The following DHRS12 variants were observed in gnomAD, a reference collection of about 807,000 sequenced individuals.
The protein encoded by DHRS12 is dehydrogenase/reductase 12.
DHRS12 carries 29 observed loss-of-function variants against 32.1 expected under a neutral mutation model. The ratio of observed to expected loss-of-function variants is 0.90; its 90% CI spans 0.67 to 1.23. The LOEUF is 1.23. Ranked by LOEUF, DHRS12 falls within the 50% of genes most tolerant of loss-of-function variation. DHRS12 has a pLI of 0.00. For synonymous variants in DHRS12, 150 were observed against 135.9 expected, an observed-to-expected ratio of 1.10 and a Z score of -0.72; for missense variants, 330 against 337.2, an observed-to-expected ratio of 0.98 and a Z score of 0.17.
rs1954183274 is a variant in DHRS12, at chr13:51,774,054, G to C, written c.364-20C>G. ...GGTTATCTGCAATAAAGGTAACAGA[G>C]ATTTACAAACTAAAGCCTGTGACCC... On this transcript the variant is annotated intron_variant, in intron 5 of 8. Transcript: ENST00000444610. 3 of 1,609,322 alleles carry C rather than the reference G, an allele frequency of 1.9e-6. No homozygotes were observed. The highest frequency in any genetic ancestry group is 2.6e-6 in the Non-Finnish European group (3 of 1,175,938).
chr13:51,781,054 A>G (rs1954681021), intron 4 of DHRS12, among the ~76,000 whole-genome samples: 1 of 152,298 alleles, frequency 6.6e-6, no homozygotes, highest in South Asian at 2.1e-4. Context: ...TCTGGTGTTA[A>G]TTTTAAAGGA....
chr13:51,771,389 T>A, intron 7 of DHRS12: 1 of 1,614,116 alleles, frequency 6.2e-7, no homozygotes. Context: ...AGCTGTGTCC[T>A]TGTGGCTGGC....
intron 2 of DHRS12, chr13:51,797,940 T>C (rs1236356171): frequency 7.8e-6 from 12 of 1,531,342 alleles, no homozygotes; most frequent in Non-Finnish European, 1.0e-5. Context: ...ATCTGTGAGT[T>C]ACAGCGAGAG....
intron 6 of DHRS12, chr13:51,772,810 CTG>C (rs1471384602): frequency 1.2e-5 from 12 of 985,316 alleles, no homozygotes; most frequent in Non-Finnish European, 1.4e-5. Context: ...TCTGGGAAAA[CTG>C]TAAAGAAGTG....
chr13:51,802,922 C>T (rs1377784142), intron 1 of DHRS12, among the ~76,000 whole-genome samples: 1 of 152,186 alleles, frequency 6.6e-6, no homozygotes, highest in East Asian at 1.9e-4. Context: ...TTACAGTCTG[C>T]TTTCCTTGGG....
intron 2 of DHRS12, among the ~76,000 whole-genome samples, chr13:51,797,213 G>A (rs753549252): frequency 1.3e-5 from 2 of 152,192 alleles, no homozygotes; most frequent in African/African-American, 2.4e-5. Flanking sequence ...CACGCCCTGC[G>A]ACTGGAAAGG....
At chr13:51,800,003 G>C (rs1225357998) in intron 1 of DHRS12, among the ~76,000 whole-genome samples, 8 of 152,178 alleles carry the variant, frequency 5.3e-5, no homozygotes, top group Admixed American at 5.2e-4. Flanking sequence ...CCTTTTGTGG[G>C]GGGCAGGTTT....
intron 1 of DHRS12, chr13:51,803,396 A>G (rs1253031283): frequency 6.6e-6 from 1 of 152,202 alleles, no homozygotes; most frequent in Non-Finnish European, 1.5e-5. Context: ...CAGGGTTGAG[A>G]ACCAGCGGTT....
Position 51,804,039 on chromosome 13 carries a change from G to T in DHRS12, c.-9+15C>A, listed in dbSNP as rs1033165601. ...GTGACAGCCCGGGGCCCCGCGCCCC[G>T]CCGCGCCGCCTTACTTGGTGTACTC... On this transcript the variant is annotated intron_variant, in intron 1 of 8. Coordinates refer to ENST00000444610, the MANE Select transcript of DHRS12 (RefSeq NM_001377533.1). 6.1e-6 allele frequency: 9 copies of T among 1,468,116 alleles called. No homozygotes were observed. Among genetic ancestry groups the T allele is most frequent in the Middle Eastern group, 2.1e-4 (1 of 4,836 alleles). 90.9% of individuals were successfully genotyped at this position (1,468,116 alleles called of 1,614,324 possible). A position where few individuals can be genotyped will look rare whatever the true frequency, so the allele number is the denominator to read the frequency against.
the DHRS12 span, among the ~76,000 whole-genome samples, chr13:51,755,018 T>A: frequency 6.6e-6 from 1 of 152,222 alleles, no homozygotes; most frequent in African/African-American, 2.4e-5. Flanking sequence ...AGTTGTCTTA[T>A]TTGTCTGAGA....
intron 1 of DHRS12, among the ~76,000 whole-genome samples, chr13:51,800,382 G>C (rs1955696972): frequency 6.6e-6 from 1 of 152,200 alleles, no homozygotes; most frequent in African/African-American, 2.4e-5. Flanking sequence ...CATTCCTTTT[G>C]CGATACCTCT....
intron 2 of DHRS12, among the ~76,000 whole-genome samples, chr13:51,795,909 C>A (rs1248804726): frequency 6.6e-6 from 1 of 152,124 alleles, no homozygotes; most frequent in Admixed American, 6.6e-5. Flanking sequence ...CAGAGCATGG[C>A]GGCCAGGCCC....
intron 3 of DHRS12, 73 bp from the exon 4 acceptor site, chr13:51,790,165 C>T (rs1955200773): frequency 1.8e-6 from 2 of 1,135,656 alleles, no homozygotes; most frequent in African/African-American, 1.6e-5. Context: ...CCCACACCTC[C>T]ACTACCCCAC....
At chr13:51,763,597 A>C (rs1953656450), downstream of DHRS12, 1 of 152,294 alleles carries the variant, frequency 6.6e-6, no homozygotes, top group Non-Finnish European at 1.5e-5. Context: ...CAGGAGTTCA[A>C]GACCAGCCTG....
In DHRS12 at chr13:51,768,809, CAG is replaced by C. The variant is rs1566270574; in HGVS notation, c.697+345_697+346del. 4.1e-5 allele frequency: 51 copies of C among 1,253,054 alleles called. 1 individual carries two copies. Among genetic ancestry groups the C allele is most frequent in the Non-Finnish European group, 4.9e-5 (49 of 995,294 alleles). The allele number at this position is 1,253,054 out of a possible 1,614,324, so 77.6% of individuals were successfully genotyped here. A position where few individuals can be genotyped will look rare whatever the true frequency, so the allele number is the denominator to read the frequency against. ...TTACACCCTTTGCACTGCAGAGAAG[CAG>C]AGTCCGTTACTCCCTTTGCAGTGCA... On this transcript the variant is annotated intron_variant, in intron 8 of 8. Coordinates refer to ENST00000444610, the MANE Select transcript of DHRS12 (RefSeq NM_001377533.1).
intron 1 of DHRS12, among the ~76,000 whole-genome samples, chr13:51,801,930 G>A (rs1173162853): frequency 2.0e-5 from 3 of 152,188 alleles, no homozygotes; most frequent in Non-Finnish European, 4.4e-5. Flanking sequence ...GCTCCTCTGG[G>A]TTGAACCTCT....
downstream of DHRS12, chr13:51,765,606 C>T (rs988063837): frequency 1.3e-5 from 2 of 152,224 alleles, no homozygotes; most frequent in African/African-American, 4.8e-5. Flanking sequence ...TAGCCCATCA[C>T]CAGTGACCTG....
the DHRS12 span, chr13:51,759,953 C>T: frequency 1.8e-6 from 1 of 566,470 alleles, no homozygotes; most frequent in Non-Finnish European, 3.2e-6. Flanking sequence ...CAAGGGGACT[C>T]TTCCAACTTG....
rs77682467 is a variant in DHRS12 at position 51,771,324 on chromosome 13, G to A, written c.559+497C>T. 4,584 of 1,591,004 alleles carry A rather than the reference G, an allele frequency of 2.9e-3. 14 individuals are homozygous for A. The highest frequency in any genetic ancestry group is 9.2e-3 in the East Asian group (404 of 44,134). On this transcript the variant is annotated intron_variant, in intron 7 of 8. Coordinates refer to ENST00000444610, the MANE Select transcript of DHRS12 (RefSeq NM_001377533.1). ...GTCATGGAGTTGGTGAGGCCAATCC[G>A]GAAGAGAATTCTGCTCCCCTCCACC... is the stretch of plus-strand genomic sequence containing the variant.
Sources: gnomAD v4.1 joint callset for allele counts (sites outside exome capture counted in the v4.1 genomes callset) on GRCh38, gnomAD v4.1.1 for gene constraint, MANE v1.5 for transcripts, NCBI Gene and HGNC (gene_info 2026-07-23, HGNC 2026-07-21) for gene names.